SOX6: variants seen among roughly 807,000 people sequenced by gnomAD.
SOX6 encodes the protein transcription factor SOX-6.
A neutral mutation model predicts 97.8 loss-of-function variants in SOX6; 11 were observed. The observed-to-expected ratio is 0.11, with a 90% CI of 0.07 to 0.19. The LOEUF is 0.19. SOX6 is among the 10% of genes least tolerant of loss of function. The pLI, the probability that SOX6 is intolerant of heterozygous loss-of-function variation, is 1.00. For synonymous variants in SOX6, 360 were observed against 371.4 expected, an observed-to-expected ratio of 0.97 and a Z score of 0.35; for missense variants, 810 against 1,039.5, an observed-to-expected ratio of 0.78 and a Z score of 3.04.
intron 2 of SOX6, among the ~76,000 whole-genome samples, chr11:16,320,574 A>G (rs1428770338): frequency 6.6e-6 from 1 of 152,096 alleles, no homozygotes. Flanking sequence ...GGTGTTTAAT[A>G]ACTGGTAGAT....
chr11:16,404,951 A>G (rs887643351), intron 1 of SOX6, among the ~76,000 whole-genome samples: 1 of 152,014 alleles, frequency 6.6e-6, no homozygotes. Flanking sequence ...TTTGTGCGTG[A>G]TATCTTTCTG....
chr11:16,071,530 C>T (rs1848225018), intron 9 of SOX6, among the ~76,000 whole-genome samples: 1 of 152,102 alleles, frequency 6.6e-6, no homozygotes, highest in African/African-American at 2.4e-5. Flanking sequence ...GACACAGCCT[C>T]CTGTTGCCTT....
intron 6 of SOX6, among the ~76,000 whole-genome samples, chr11:16,174,263 A>G (rs1851121394): frequency 6.6e-6 from 1 of 151,954 alleles, no homozygotes; most frequent in African/African-American, 2.4e-5. Context: ...TACATGTATC[A>G]AAAGTTAGAG....
intron 9 of SOX6, among the ~76,000 whole-genome samples, chr11:16,068,594 G>C (rs1031975644): frequency 6.6e-6 from 1 of 152,056 alleles, no homozygotes; most frequent in Admixed American, 6.6e-5. Context: ...ATGAGAGAAC[G>C]GGAGTAGGGG....
chr11:16,032,183 C>G (rs951714532), intron 12 of SOX6, among the ~76,000 whole-genome samples: 2 of 152,084 alleles, frequency 1.3e-5, no homozygotes, highest in Non-Finnish European at 2.9e-5. Flanking sequence ...AAGACATGGG[C>G]TCTTCCTTCA....
intron 7 of SOX6, among the ~76,000 whole-genome samples, chr11:16,102,933 C>T (rs1848985680): frequency 6.6e-6 from 1 of 151,894 alleles, no homozygotes; most frequent in African/African-American, 2.4e-5. Flanking sequence ...TAGAAGATAA[C>T]ATTGGAAAAA....
chr11:16,137,922 T>C (rs930359489), intron 6 of SOX6, among the ~76,000 whole-genome samples: 2 of 152,182 alleles, frequency 1.3e-5, no homozygotes, highest in African/African-American at 2.4e-5. Flanking sequence ...CCTTCTGCCA[T>C]GATTGTAAGT....
At chr11:16,524,908 G>C (rs1861131380) in intron 4 of SOX6, among the ~76,000 whole-genome samples, 1 of 152,054 alleles carries the variant, frequency 6.6e-6, no homozygotes, top group African/African-American at 2.4e-5. Flanking sequence ...AAAATATCTA[G>C]GAATCCAACT....
chr11:16,060,796 T>C (rs572591391), intron 9 of SOX6, among the ~76,000 whole-genome samples: 1 of 151,980 alleles, frequency 6.6e-6, no homozygotes, highest in African/African-American at 2.4e-5. Flanking sequence ...TAACACTTGA[T>C]CTGCACTTTT....
chr11:16,705,390 C>T (rs1010830000), intron 3 of SOX6, among the ~76,000 whole-genome samples: 2 of 151,954 alleles, frequency 1.3e-5, no homozygotes, highest in Admixed American at 6.6e-5. Flanking sequence ...TTTGGAAGGT[C>T]GAGGCAGGAG....
At chr11:16,506,029 G>T (rs1435490983) in intron 4 of SOX6, among the ~76,000 whole-genome samples, 1 of 152,234 alleles carries the variant, frequency 6.6e-6, no homozygotes, top group Non-Finnish European at 1.5e-5. Flanking sequence ...TGTAGGGTTG[G>T]AAGCCCCACA....
At chr11:16,214,599 T>C (rs905532725) in intron 4 of SOX6, among the ~76,000 whole-genome samples, 3 of 152,084 alleles carry the variant, frequency 2.0e-5, no homozygotes, top group African/African-American at 4.8e-5. Context: ...GTGTTGATTG[T>C]CTAAACTCTA....
chr11:16,448,212 C>T (rs7929629), intron 1 of SOX6, among the ~76,000 whole-genome samples: 41,888 of 152,030 alleles, frequency 0.28, 6,100 homozygotes, highest in East Asian at 0.52. Context: ...TTTCAGTTTG[C>T]CAAATGTTTC....
rs564466474 is a variant in SOX6, at chr11:16,123,529, A to G, written c.778-11606T>C. 3.0e-3 allele frequency among the ~76,000 whole-genome samples: 463 copies of G among 152,162 alleles called. 4 individuals are homozygous for G. Among genetic ancestry groups the G allele is most frequent in the Middle Eastern group, 0.02 (6 of 294 alleles). ...TAGATACCAAGGAAAGGCATAAACAATAACTATAATCCCAAGTCAAGTAGT... is the reference window on the plus strand; with the variant it reads ...TAGATACCAAGGAAAGGCATAAACAGTAACTATAATCCCAAGTCAAGTAGT... On this transcript the variant is annotated intron_variant, in intron 6 of 15. Transcript: ENST00000683767.
intron 1 of SOX6, among the ~76,000 whole-genome samples, chr11:16,408,455 A>C (rs776267043): frequency 6.6e-6 from 1 of 152,186 alleles, no homozygotes; most frequent in Non-Finnish European, 1.5e-5. Context: ...TTTCACATGC[A>C]TACATATATC....
intron 4 of SOX6, among the ~76,000 whole-genome samples, chr11:16,517,414 G>C (rs2133157618): frequency 6.6e-6 from 1 of 152,230 alleles, no homozygotes; most frequent in African/African-American, 2.4e-5. Context: ...CGACATGATT[G>C]TATATCTAGA....
intron 3 of SOX6, among the ~76,000 whole-genome samples, chr11:16,663,211 T>C (rs1265404118): frequency 6.6e-6 from 1 of 152,192 alleles, no homozygotes; most frequent in Non-Finnish European, 1.5e-5. Context: ...TTCTATTCAA[T>C]GTAGCACTGA....
chr11:16,358,936 T>C (rs1158519653), upstream of SOX6, among the ~76,000 whole-genome samples: 1 of 152,146 alleles, frequency 6.6e-6, no homozygotes, highest in Non-Finnish European at 1.5e-5. Context: ...ACTGACTACC[T>C]GCACTGTGTC....
chr11:16,720,549 G>T (rs1170904588), intron 2 of SOX6, among the ~76,000 whole-genome samples: 1 of 113,714 alleles, frequency 8.8e-6, no homozygotes, highest in Non-Finnish European at 1.8e-5. Context: ...GTTGTGGGGT[G>T]GGGGGAGGGG....
Sources: gnomAD v4.1 joint callset for allele counts (sites outside exome capture counted in the v4.1 genomes callset) on GRCh38, gnomAD v4.1.1 for gene constraint, MANE v1.5 for transcripts, NCBI Gene and HGNC (gene_info 2026-07-23, HGNC 2026-07-21) for gene names.